The following GNB4 variants were observed in gnomAD, a reference collection of about 807,000 sequenced individuals.
The protein encoded by GNB4 is G protein subunit beta 4, also known as guanine nucleotide-binding protein subunit beta-4.
A neutral mutation model predicts 45.2 loss-of-function variants in GNB4; 28 were observed. The observed-to-expected ratio is 0.62, with a 90% CI of 0.46 to 0.85. The LOEUF (loss-of-function observed/expected upper bound fraction) is 0.85. GNB4 is among the 40% of genes least tolerant of loss of function. GNB4 has a pLI of 0.00. For missense variants in GNB4, 321 were observed against 425.4 expected (o/e 0.75, Z 2.16); for synonymous variants, 132 against 143.7 (o/e 0.92, Z 0.58).
chr3:179,407,593 C>CCT (rs1181157417), intron 8 of GNB4, among the ~76,000 whole-genome samples: 3 of 152,126 alleles, frequency 2.0e-5, no homozygotes, highest in Non-Finnish European at 4.4e-5. Context: ...CACTGGCCTC[C>CCT]CTGAGTTGAG....
At chr3:179,482,164 G>A in the GNB4 span, among the ~76,000 whole-genome samples, 1 of 152,078 alleles carries the variant, frequency 6.6e-6, no homozygotes, top group Non-Finnish European at 1.5e-5. Flanking sequence ...CAAAGTGCTT[G>A]GCATTACAGG....
chr3:179,490,892 C>T, the GNB4 span, among the ~76,000 whole-genome samples: 1 of 152,128 alleles, frequency 6.6e-6, no homozygotes, highest in Admixed American at 6.5e-5. Context: ...TAAACTGACA[C>T]CTAAAATTAA....
chr3:179,425,833 G>A (rs1715132034), intron 2 of GNB4, among the ~76,000 whole-genome samples: 1 of 152,122 alleles, frequency 6.6e-6, no homozygotes, highest in South Asian at 2.1e-4. Flanking sequence ...ACATTATATT[G>A]TGACACTATC....
At chr3:179,437,401 C>A (rs1715481073) in intron 1 of GNB4, among the ~76,000 whole-genome samples, 2 of 151,708 alleles carry the variant, frequency 1.3e-5, no homozygotes, top group South Asian at 4.2e-4. Context: ...CCCATCTCTA[C>A]TAAAAATACA....
chr3:179,525,172 C>T, the GNB4 span, among the ~76,000 whole-genome samples: 1 of 152,116 alleles, frequency 6.6e-6, no homozygotes, highest in Non-Finnish European at 1.5e-5. Context: ...GCCTGGACGT[C>T]GAGCACCTCA....
At chr3:179,487,306 T>A in the GNB4 span, among the ~76,000 whole-genome samples, 1 of 152,240 alleles carries the variant, frequency 6.6e-6, no homozygotes, top group Non-Finnish European at 1.5e-5. Flanking sequence ...CATCTTATTT[T>A]GTTAGAGAAA....
At chr3:179,498,744 G>GCTTGTTTT in the GNB4 span, among the ~76,000 whole-genome samples, 9 of 80,338 alleles carry the variant, frequency 1.1e-4, no homozygotes, top group Admixed American at 3.4e-4. Flanking sequence ...GTTGGTTGAG[G>GCTTGTTTT]TTTGGTTTTT....
chr3:179,498,556 C>A, the GNB4 span, among the ~76,000 whole-genome samples: 2 of 152,054 alleles, frequency 1.3e-5, no homozygotes, highest in Non-Finnish European at 2.9e-5. Flanking sequence ...CTTGCCTCAG[C>A]TCTGAGTAGC....
the GNB4 span, among the ~76,000 whole-genome samples, chr3:179,458,376 T>C: frequency 2.0e-5 from 3 of 152,184 alleles, no homozygotes; most frequent in South Asian, 4.1e-4. Context: ...AGTTTTTAAG[T>C]GTTCTTTGGG....
chr3:179,421,134 A>C (rs912537026), intron 2 of GNB4, among the ~76,000 whole-genome samples: 3 of 152,188 alleles, frequency 2.0e-5, no homozygotes, highest in Non-Finnish European at 4.4e-5. Context: ...TTAGTATCAC[A>C]ATGTTGTGTG....
the GNB4 span, among the ~76,000 whole-genome samples, chr3:179,520,657 T>G: frequency 6.6e-6 from 1 of 152,154 alleles, no homozygotes; most frequent in Admixed American, 6.5e-5. Context: ...TCAGCTGTAC[T>G]CACTCTTTGT....
the GNB4 span, among the ~76,000 whole-genome samples, chr3:179,489,019 A>AATATATATATATATAT: frequency 8.4e-4 from 18 of 21,372 alleles, no homozygotes; most frequent in African/African-American, 3.3e-3. Flanking sequence ...AAAAAAAAAA[A>AATATATATATATATAT]ATATATATAT....
chr3:179,506,713 C>T, the GNB4 span, among the ~76,000 whole-genome samples: 23 of 152,248 alleles, frequency 1.5e-4, 1 homozygote, highest in South Asian at 4.8e-3. Flanking sequence ...AAGTCAGTTA[C>T]TTTCTTCATG....
At chr3:179,475,427 C>T in the GNB4 span, among the ~76,000 whole-genome samples, 1 of 150,454 alleles carries the variant, frequency 6.6e-6, no homozygotes, top group Non-Finnish European at 1.5e-5. Context: ...CCCAAACTCG[C>T]TTTTTTATTT....
chr3:179,486,583 G>A, the GNB4 span, among the ~76,000 whole-genome samples: 6 of 152,182 alleles, frequency 3.9e-5, no homozygotes, highest in African/African-American at 4.8e-5. Flanking sequence ...AGCCACCATA[G>A]GATTCCAAAG....
the GNB4 span, among the ~76,000 whole-genome samples, chr3:179,470,922 G>A: frequency 6.6e-6 from 1 of 152,194 alleles, no homozygotes; most frequent in African/African-American, 2.4e-5. Flanking sequence ...GCTTACGCCT[G>A]TAATCCCAGC....
the GNB4 span, among the ~76,000 whole-genome samples, chr3:179,503,182 C>T: frequency 6.6e-6 from 1 of 151,986 alleles, no homozygotes; most frequent in African/African-American, 2.4e-5. Flanking sequence ...GTATATTTTA[C>T]CTAAAAAAAC....
intron 8 of GNB4, 35 bp downstream of exon 8, chr3:179,413,377 A>G: frequency 6.5e-7 from 1 of 1,535,558 alleles, no homozygotes; most frequent in Non-Finnish European, 9.0e-7. Context: ...CTTTAAATGC[A>G]TAATAAATTT....
At chr3:179,428,004 A>G (rs1715195304) in intron 1 of GNB4, among the ~76,000 whole-genome samples, 1 of 152,228 alleles carries the variant, frequency 6.6e-6, no homozygotes, top group African/African-American at 2.4e-5. Flanking sequence ...AAATTCCTAT[A>G]AAAGATTGAT....
Sources: gnomAD v4.1 joint callset for allele counts (sites outside exome capture counted in the v4.1 genomes callset) on GRCh38, gnomAD v4.1.1 for gene constraint, MANE v1.5 for transcripts, NCBI Gene and HGNC (gene_info 2026-07-23, HGNC 2026-07-21) for gene names.